JAG2: variants seen among roughly 807,000 people sequenced by gnomAD.
The protein encoded by JAG2 is jagged canonical Notch ligand 2.
A neutral mutation model predicts 141.7 loss-of-function variants in JAG2; 46 were observed. The observed-to-expected ratio is 0.32, with a 90% CI of 0.26 to 0.42. The LOEUF is 0.42. Among genes scored for constraint, JAG2 ranks in the 10% least tolerant of loss-of-function variants. JAG2 has a pLI of 1.00. For missense variants in JAG2, 1,500 were observed against 1,817.5 expected (o/e 0.83, Z 3.18); for synonymous variants, 862 against 763.5 (o/e 1.13, Z -2.13).
rs1312603528 is a variant in JAG2, at chr14:105,157,945, G to T, written c.418-182C>A. 4.6e-5 allele frequency: 31 copies of T among 670,760 alleles called. No individual in the cohort carries two copies. In the East Asian group the frequency reaches 8.2e-4, roughly 18 times the overall value. 41.6% of individuals were successfully genotyped at this position (670,760 alleles called of 1,614,324 possible). A position where few individuals can be genotyped will look rare whatever the true frequency, so the allele number is the denominator to read the frequency against. ...CCACATCCTCTGCAGACCCAAAAAT[G>T]ACCCAGCTCAAGGGAGGGAGACTGC... is the stretch of plus-strand genomic sequence containing the variant. On this transcript the variant is annotated intron_variant, in intron 2 of 25. Coordinates refer to ENST00000331782, the MANE Select transcript of JAG2 (RefSeq NM_002226.5).
chr14:105,157,889 C>G, intron 2 of JAG2, 126 bp from the exon 3 acceptor site: 1 of 854,274 alleles, frequency 1.2e-6, no homozygotes, highest in South Asian at 1.4e-5. Context: ...TCCTCCCCAG[C>G]CAGGGACCCA....
chr14:105,158,388 C>T (rs375941020), intron 2 of JAG2, among the ~76,000 whole-genome samples: 4 of 152,276 alleles, frequency 2.6e-5, no homozygotes, highest in East Asian at 1.9e-4. Flanking sequence ...GGGGCCCTTG[C>T]GGTACAGTTG....
Position 105,154,979 on chromosome 14 carries a change from TCCCCATCCCGCTGGCCCCTC to T in JAG2, c.788+563_788+582del, listed in dbSNP as rs1457111970. ...GCCTCTCCCCCTTCCACTGACCCCC[TCCCCATCCCGCTGGCCCCTC>T]CCCCACCACCCCCACATGCCCCACA... On this transcript the variant is annotated intron_variant, in intron 5 of 25. Transcript: ENST00000331782. The surrounding 1 kb of genome is among the most constrained non-coding windows in gnomAD (Gnocchi z 4.4). Among the ~76,000 whole-genome samples the T allele has an allele frequency of 2.2e-4, 3 of 13,908 alleles. No individual in the cohort carries two copies. Among genetic ancestry groups the T allele is most frequent in the Admixed American group, 7.1e-4 (1 of 1,414 alleles). The allele number at this position is 13,908 out of a possible 152,430, so 9.1% of individuals were successfully genotyped here.
In JAG2 at chr14:105,146,501, CTG is replaced by C. The variant is rs1475168276; in HGVS notation, c.2594-3_2594-2del. On this transcript the variant is annotated splice_acceptor_variant and splice_polypyrimidine_tract_variant and intron_variant, in intron 21 of 25. Coordinates refer to ENST00000331782, the MANE Select transcript of JAG2 (RefSeq NM_002226.5). LOFTEE classifies it high-confidence loss of function. ...CAGCAGGATCTCCCGAACCCGATCA[CTG>C]TGGGGAGAAGGGGCTCGAGGGTCAG... is the stretch of plus-strand genomic sequence containing the variant. 6.2e-7 allele frequency: 1 copy of C among 1,612,376 alleles called. No individual in the cohort carries two copies. The highest frequency in any genetic ancestry group is 8.5e-7 in the Non-Finnish European group (1 of 1,179,668).
chr14:105,157,629 GCAGA>G, intron 3 of JAG2, 73 bp downstream of exon 3: 1 of 1,301,426 alleles, frequency 7.7e-7, no homozygotes, highest in Non-Finnish European at 1.1e-6. Context: ...TTTGTCCCAA[GCAGA>G]CAGAGGAGCT....
intron 23 of JAG2, 89 bp downstream of exon 23, chr14:105,145,642 C>T: frequency 6.7e-7 from 1 of 1,498,948 alleles, no homozygotes; most frequent in Non-Finnish European, 9.0e-7. Flanking sequence ...ACCAGGGCCT[C>T]CCTGCCCTGC....
At chr14:105,156,013 A>C in intron 3 of JAG2, 24 bp from the exon 4 acceptor site, 1 of 1,598,286 alleles carries the variant, frequency 6.3e-7, no homozygotes, top group Non-Finnish European at 8.5e-7. Flanking sequence ...CAGAGTCAGC[A>C]CAGGCCAGAG....
rs1453883625 is a variant in JAG2 at position 105,168,343 on chromosome 14, C to T, written c.66+12G>A. The T allele has an allele frequency of 9.5e-5, 87 of 915,674 alleles. No individual in the cohort carries two copies. The highest frequency in any genetic ancestry group is 1.2e-4 in the Non-Finnish European group (86 of 745,522). 56.7% of individuals were successfully genotyped at this position (915,674 alleles called of 1,614,324 possible). A position where few individuals can be genotyped will look rare whatever the true frequency, so the allele number is the denominator to read the frequency against. On this transcript the variant is annotated intron_variant, in intron 1 of 25. Transcript: ENST00000331782. ...CGTCCGCGACCCCCGCCGCCCCCGCCGCCCCGCTCACCTGCACCCAGAGCG... is the reference window on the plus strand; with the variant it reads ...CGTCCGCGACCCCCGCCGCCCCCGCTGCCCCGCTCACCTGCACCCAGAGCG...
chr14:105,168,341 GC>G lies in JAG2; in HGVS notation c.66+13del. 1 of 301,582 alleles carries G rather than the reference GC, an allele frequency of 3.3e-6. No individual in the cohort carries two copies. Among genetic ancestry groups the G allele is most frequent in the Non-Finnish European group, 5.1e-6 (1 of 196,322 alleles). The allele number at this position is 301,582 out of a possible 1,614,324, so 18.7% of individuals were successfully genotyped here. A position where few individuals can be genotyped will look rare whatever the true frequency, so the allele number is the denominator to read the frequency against. ...CCCGTCCGCGACCCCCGCCGCCCCC[GC>G]CGCCCCGCTCACCTGCACCCAGAGC... On this transcript the variant is annotated intron_variant, in intron 1 of 25. Coordinates refer to ENST00000331782, the MANE Select transcript of JAG2 (RefSeq NM_002226.5).
In JAG2 at chr14:105,147,277, C is replaced by T. The variant is rs117845060; in HGVS notation, c.2479+49G>A. 1.8e-4 allele frequency: 255 copies of T among 1,446,014 alleles called. No homozygotes were observed. In the East Asian group the frequency reaches 5.8e-3, roughly 33 times the overall value. The allele number at this position is 1,446,014 out of a possible 1,614,324, so 89.6% of individuals were successfully genotyped here. On this transcript the variant is annotated intron_variant, in intron 20 of 25. Transcript: ENST00000331782. The stretch of plus-strand genomic sequence containing the variant: ...GTTGATGTCCCCAGACTCCTGACAC[C>T]GCGGCTGGGCTGAGGGGCTCCCAGG...
intron 3 of JAG2, among the ~76,000 whole-genome samples, chr14:105,157,483 G>A (rs779192998): frequency 2.0e-5 from 3 of 152,192 alleles, no homozygotes; most frequent in South Asian, 2.1e-4. Flanking sequence ...CACCCAAGAG[G>A]AGAACAACAT....
At chr14:105,147,442 C>G in intron 19 of JAG2, 31 bp from the exon 20 acceptor site, 1 of 1,610,070 alleles carries the variant, frequency 6.2e-7, no homozygotes, top group Middle Eastern at 1.7e-4. Context: ...ATCAGGTGGC[C>G]CCCCGTGGTA....
chr14:105,168,101 G>A lies in JAG2; in HGVS notation c.73C>T (p.Arg25Trp). 3 of 1,552,740 alleles carry A rather than the reference G, an allele frequency of 1.9e-6. No individual in the cohort carries two copies. Among genetic ancestry groups the A allele is most frequent in the Admixed American group, 1.8e-5 (1 of 55,124 alleles). ...LLLALWVQAA[R>W]PMGYFELQLS... ...TGCAGCTCGAAATAGCCCATGGGCC[G>A]CGCCGCCTAAAAATAAGGCAGCGGG... Residue 25 changes from arginine to tryptophan, a missense_variant, in exon 2 of 26, where the codon CGG (arginine) becomes TGG (tryptophan). Coordinates refer to ENST00000331782, the MANE Select transcript of JAG2 (RefSeq NM_002226.5).
At chr14:105,153,691 G>A (rs1045719946) in intron 5 of JAG2, among the ~76,000 whole-genome samples, 4 of 152,218 alleles carry the variant, frequency 2.6e-5, no homozygotes, top group Middle Eastern at 3.2e-3. Context: ...GCCAGCAAGA[G>A]GGGCAGGCGG....
In JAG2 at chr14:105,152,266, A is replaced by G; in HGVS notation, c.814T>C (p.Phe272Leu). 6.2e-7 allele frequency: 1 copy of G among 1,612,836 alleles called. No individual in the cohort carries two copies. The highest frequency in any genetic ancestry group is 1.3e-5 in the African/African-American group (1 of 75,010). ...CRCSYGWQGR[F>L]CDECVPYPGC... ...GGGTAGGGGACACACTCATCGCAGA[A>G]CCTCCCTTGCCAGCCGTAGCTGCAC... Residue 272 changes from phenylalanine (F) to leucine (L), a missense_variant, in exon 6 of 26, where the codon TTC (phenylalanine) becomes CTC (leucine). Physicochemically the swap from Phe to Leu is conservative, Grantham distance 22. Coordinates refer to ENST00000331782, the MANE Select transcript of JAG2 (RefSeq NM_002226.5).
At chr14:105,152,404 G>A (rs1024685678) in intron 5 of JAG2, 113 bp from the exon 6 acceptor site, 1 of 1,263,266 alleles carries the variant, frequency 7.9e-7, no homozygotes, top group Non-Finnish European at 1.1e-6. Context: ...GCGGCCTCAG[G>A]CCTTTGAACT....
In JAG2 at chr14:105,145,757, G is replaced by A. The variant is rs762758439; in HGVS notation, c.2926C>T (p.His976Tyr). The change falls in exon 23 of 26, where the codon CAT (histidine) becomes TAT (tyrosine). Residue 976 changes from histidine (H) to tyrosine (Y), a missense_variant. Around this residue, in one of 3 missense-constraint regions of JAG2, gnomAD observed 425 missense variants for 441.0 expected, o/e 0.96. Coordinates refer to ENST00000331782, the MANE Select transcript of JAG2 (RefSeq NM_002226.5). ...LDNNCARLTL[H>Y]FNRDHVPQGT... ...TGGGGCACGTGGTCACGGTTGAAATGCAAGGTGAGGCGGGCACAGTTATTG... is the reference window on the plus strand; with the variant it reads ...TGGGGCACGTGGTCACGGTTGAAATACAAGGTGAGGCGGGCACAGTTATTG... 8.8e-6 allele frequency: 14 copies of A among 1,596,878 alleles called. No homozygotes were observed. Among genetic ancestry groups the A allele is most frequent in the Admixed American group, 1.7e-5 (1 of 58,236 alleles).
Position 105,148,924 on chromosome 14 carries a change from C to T in JAG2, c.1906+13G>A, listed in dbSNP as rs1381565964. 7 of 1,602,182 alleles carry T rather than the reference C, an allele frequency of 4.4e-6. No individual in the cohort carries two copies. The highest frequency in any genetic ancestry group is 2.3e-5 in the East Asian group (1 of 44,394). ...CCAGCCCCACCACCAGCCCGCCGTT[C>T]GTGGCCACTCACTCTCATGGCAGTA... On this transcript the variant is annotated intron_variant, in intron 14 of 25. Coordinates refer to ENST00000331782, the MANE Select transcript of JAG2 (RefSeq NM_002226.5).
At position 105,155,965 on chromosome 14, in the gene JAG2, G is replaced by A. The variant is rs764065878; in HGVS notation, c.500C>T (p.Ser167Leu). 27 of 1,607,228 alleles carry A rather than the reference G, an allele frequency of 1.7e-5. No homozygotes were observed. Among genetic ancestry groups the A allele is most frequent in the Non-Finnish European group, 2.2e-5 (26 of 1,179,428 alleles). ...PNEELLIERV[S>L]HAGMINPEDR... is the part of the protein sequence containing the mutation. ...CTCCGGGTTGATCATGCCGGCATGCGACACTCGCTCGATCAGCAGCTCCTC... is the reference window on the plus strand; with the variant it reads ...CTCCGGGTTGATCATGCCGGCATGCAACACTCGCTCGATCAGCAGCTCCTC... The change falls in exon 4 of 26, where the codon TCG (serine) becomes TTG (leucine). Residue 167 changes from serine (S) to leucine (L), a missense_variant. By Grantham distance (145) the Ser-to-Leu change is moderately radical. Around this residue, in one of 3 missense-constraint regions of JAG2, gnomAD observed 875 missense variants for 1,202.2 expected, o/e 0.73. Coordinates refer to ENST00000331782, the MANE Select transcript of JAG2 (RefSeq NM_002226.5).
Sources: gnomAD v4.1 joint callset for allele counts (sites outside exome capture counted in the v4.1 genomes callset) on GRCh38, gnomAD v4.1.1 for gene constraint, gnomAD v4.1.1 regional missense constraint, Gnocchi (gnomAD v3.1) non-coding constraint, MANE v1.5 for transcripts, NCBI Gene and HGNC (gene_info 2026-07-23, HGNC 2026-07-21) for gene names.